The following NSD3 variants were observed in gnomAD, a reference collection of about 807,000 sequenced individuals.
NSD3 encodes the protein histone-lysine N-methyltransferase NSD3.
A neutral mutation model predicts 160.8 loss-of-function variants in NSD3; 24 were observed. The ratio of observed to expected loss-of-function variants is 0.15; its 90% CI spans 0.11 to 0.21. The LOEUF (loss-of-function observed/expected upper bound fraction) is 0.21, where lower values mean the gene tolerates loss of function less well. Among genes scored for constraint, NSD3 ranks in the 10% least tolerant of loss-of-function variants. The probability of loss-of-function intolerance (pLI) is 1.00; values close to 1 mark genes in which losing one functional copy is unlikely to be tolerated. For synonymous variants in NSD3, 520 were observed against 600.0 expected, an observed-to-expected ratio of 0.87 and a Z score of 1.95; for missense variants, 1,157 against 1,735.9, an observed-to-expected ratio of 0.67 and a Z score of 5.93.
At chr8:38,323,299 G>A (rs937487624) in intron 7 of NSD3, among the ~76,000 whole-genome samples, 9 of 151,716 alleles carry the variant, frequency 5.9e-5, no homozygotes, top group African/African-American at 1.5e-4. Context: ...CTTGTGATCC[G>A]CCTGCCTCAG....
chr8:38,329,873 C>T lies in NSD3; in HGVS notation c.1086G>A (p.Gln362=). 6.3e-7 allele frequency: 1 copy of T among 1,595,224 alleles called. No individual in the cohort carries two copies. Among genetic ancestry groups the T allele is most frequent in the East Asian group, 2.2e-5 (1 of 44,622 alleles). Residue 362 remains glutamine (Q), a synonymous_variant, in exon 6 of 24, where the codon CAG becomes CAA. Transcript: ENST00000317025. This position sits in a 1 kb window ranked among gnomAD's most constrained non-coding sequence, Gnocchi z 4.8. ...EKQKIRKPRP[Q]RERAQWDIGI... is the part of the protein sequence containing the mutation. Reference sequence around the variant, plus strand: ...CAATATCCCACTGAGCACGTTCTCTCTGAGGTCGGGGTTTCCGAATCTTTA... The same window carrying T: ...CAATATCCCACTGAGCACGTTCTCTTTGAGGTCGGGGTTTCCGAATCTTTA...
At chr8:38,309,157 A>T in intron 12 of NSD3, among the ~76,000 whole-genome samples, 1 of 151,726 alleles carries the variant, frequency 6.6e-6, no homozygotes, top group East Asian at 2.0e-4. Context: ...AAAAAAAAAA[A>T]ACAAAACAAA....
chr8:38,352,200 G>C (rs986269574), intron 1 of NSD3, among the ~76,000 whole-genome samples: 1 of 152,074 alleles, frequency 6.6e-6, no homozygotes, highest in African/African-American at 2.4e-5. Flanking sequence ...AAATGGAAGA[G>C]GGAAACAAAG....
chr8:38,321,793 A>G lies in NSD3; in HGVS notation c.1709-621T>C, dbSNP rs1027628470. Among the ~76,000 whole-genome samples the G allele has an allele frequency of 2.6e-5, 4 of 152,230 alleles. No homozygotes were observed. The highest frequency in any genetic ancestry group is 5.9e-5 in the Non-Finnish European group (4 of 68,036). ...TACTCTGGAAATAATTAGTCGTGGA[A>G]AACTAGTTGAAACAAATTATCAAGC... is the stretch of plus-strand genomic sequence containing the variant. On this transcript the variant is annotated intron_variant, in intron 7 of 23. Coordinates refer to ENST00000317025, the MANE Select transcript of NSD3 (RefSeq NM_023034.2). This position sits in a 1 kb window ranked among gnomAD's most constrained non-coding sequence, Gnocchi z 4.7.
chr8:38,346,793 T>C (rs1014900322), intron 2 of NSD3, among the ~76,000 whole-genome samples: 2 of 152,174 alleles, frequency 1.3e-5, no homozygotes, highest in Admixed American at 6.5e-5. Context: ...GTATAACACA[T>C]ATAAAAGCAG....
At chr8:38,354,550 A>C (rs1055051098) in intron 1 of NSD3, among the ~76,000 whole-genome samples, 5 of 152,232 alleles carry the variant, frequency 3.3e-5, no homozygotes, top group African/African-American at 1.2e-4. Flanking sequence ...CTATGCTGAA[A>C]TATGTGATAA....
At chr8:38,312,172 T>C (rs367667595) in intron 12 of NSD3, among the ~76,000 whole-genome samples, 73 of 152,368 alleles carry the variant, frequency 4.8e-4, no homozygotes, top group African/African-American at 1.7e-3. Context: ...AGTATCACAC[T>C]GTTTTGACTT....
At chr8:38,291,158 G>A (rs1166593344) in intron 16 of NSD3, among the ~76,000 whole-genome samples, 1 of 152,140 alleles carries the variant, frequency 6.6e-6, no homozygotes, top group Non-Finnish European at 1.5e-5. Context: ...GTCAACCTGG[G>A]CAAACACCTC....
rs555120942 is a variant in NSD3, at chr8:38,272,803, G to A, written c.*2838C>T. On this transcript the variant is annotated 3_prime_UTR_variant, in exon 24 of 24. Coordinates refer to ENST00000317025, the MANE Select transcript of NSD3 (RefSeq NM_023034.2). Reference sequence around the variant, plus strand: ...CAACTTCAGACTATGAGTGAGCAATGTCTTTTGGAATATTTCATTGGTGTA... The same window carrying A: ...CAACTTCAGACTATGAGTGAGCAATATCTTTTGGAATATTTCATTGGTGTA... 6.6e-6 allele frequency: 1 copy of A among 152,288 alleles called. No individual in the cohort carries two copies. Among genetic ancestry groups the A allele is most frequent in the South Asian group, 2.1e-4 (1 of 4,824 alleles). The allele number at this position is 152,288 out of a possible 1,614,324, so 9.4% of individuals were successfully genotyped here. A position where few individuals can be genotyped will look rare whatever the true frequency, so the allele number is the denominator to read the frequency against.
At chr8:38,328,974 AATT>A (rs1417556255) in intron 6 of NSD3, among the ~76,000 whole-genome samples, 7 of 152,366 alleles carry the variant, frequency 4.6e-5, no homozygotes, top group Non-Finnish European at 8.8e-5. Context: ...CAGCAGGTAC[AATT>A]ATTACAGTGG....
Position 38,316,130 on chromosome 8 carries a change from C to G in NSD3, c.1856-88G>C. 1 of 1,533,418 alleles carries G rather than the reference C, an allele frequency of 6.5e-7. No homozygotes were observed. The highest frequency in any genetic ancestry group is 8.8e-7 in the Non-Finnish European group (1 of 1,136,434). The allele number at this position is 1,533,418 out of a possible 1,614,324, so 95.0% of individuals were successfully genotyped here. On this transcript the variant is annotated intron_variant, in intron 9 of 23. Transcript: ENST00000317025. The surrounding 1 kb of genome is among the most constrained non-coding windows in gnomAD (Gnocchi z 4.5). ...TGTGTGGGAGAATATTTTCTTTTCT[C>G]AAACTCATCTTTAGTGTGGAAAAAG...
chr8:38,336,541 G>T (rs1810220263), intron 4 of NSD3, among the ~76,000 whole-genome samples: 1 of 152,056 alleles, frequency 6.6e-6, no homozygotes, highest in African/African-American at 2.4e-5. Flanking sequence ...TGCAAAATTT[G>T]CCAGGATGAA....
At chr8:38,276,580 G>C in intron 22 of NSD3, 80 bp from the exon 23 acceptor site, 1 of 1,463,546 alleles carries the variant, frequency 6.8e-7, no homozygotes, top group South Asian at 1.2e-5. Flanking sequence ...CTGCAACCTT[G>C]CATTCATTTA....
intron 12 of NSD3, among the ~76,000 whole-genome samples, chr8:38,308,694 C>A (rs1809462513): frequency 6.6e-6 from 1 of 151,986 alleles, no homozygotes; most frequent in Non-Finnish European, 1.5e-5. Flanking sequence ...GTGGTATGTG[C>A]CTGTGGTTCC....
intron 5 of NSD3, 27 bp downstream of exon 5, chr8:38,331,404 G>A (rs1810058528): frequency 6.5e-7 from 1 of 1,548,022 alleles, no homozygotes; most frequent in Non-Finnish European, 8.7e-7. Context: ...AACCATACTA[G>A]GTAAATAATA....
chr8:38,338,688 G>T (rs776743415), intron 2 of NSD3, 81 bp from the exon 3 acceptor site: 3 of 1,112,796 alleles, frequency 2.7e-6, no homozygotes, highest in Non-Finnish European at 4.1e-6. Context: ...TACATAAAAA[G>T]AATCAAAGAA....
chr8:38,308,550 G>A (rs1001973053), intron 12 of NSD3, among the ~76,000 whole-genome samples: 1 of 152,208 alleles, frequency 6.6e-6, no homozygotes, highest in Non-Finnish European at 1.5e-5. Context: ...TGGTCACAGT[G>A]GCTCATGCCT....
chr8:38,302,371 C>A (rs1809297647), intron 14 of NSD3, among the ~76,000 whole-genome samples: 1 of 152,160 alleles, frequency 6.6e-6, no homozygotes, highest in Non-Finnish European at 1.5e-5. Flanking sequence ...TAAGCCTTCC[C>A]AGCATCTGAT....
At chr8:38,343,907 G>C (rs1272765302) in intron 2 of NSD3, among the ~76,000 whole-genome samples, 1 of 152,126 alleles carries the variant, frequency 6.6e-6, no homozygotes, top group African/African-American at 2.4e-5. Context: ...TGCCTTAGTG[G>C]ATTAGCCCAC....
Sources: allele counts gnomAD v4.1 joint callset (sites outside exome capture counted in the v4.1 genomes callset), GRCh38; gene constraint gnomAD v4.1.1; non-coding constraint Gnocchi (gnomAD v3.1); transcripts MANE v1.5; gene names NCBI Gene and HGNC (gene_info 2026-07-23, HGNC 2026-07-21).